The following SH3BP5L variants were observed in gnomAD, a reference collection of about 807,000 sequenced individuals.
SH3BP5L encodes SH3 domain-binding protein 5-like.
SH3BP5L carries 16 observed loss-of-function variants against 40.9 expected under a neutral mutation model. The observed-to-expected ratio is 0.39, with a 90% CI of 0.27 to 0.59. The LOEUF (loss-of-function observed/expected upper bound fraction) is 0.59, where lower values mean the gene tolerates loss of function less well. SH3BP5L is among the 20% of genes least tolerant of loss of function. The pLI, the probability that SH3BP5L is intolerant of heterozygous loss-of-function variation, is 0.53. For missense variants in SH3BP5L, 471 were observed against 544.6 expected (o/e 0.86, Z 1.35); for synonymous variants, 229 against 226.7 (o/e 1.01, Z -0.09).
At chr1:248,823,513 T>C (rs1360180566) in intron 2 of SH3BP5L, among the ~76,000 whole-genome samples, 1 of 152,204 alleles carries the variant, frequency 6.6e-6, no homozygotes, top group Non-Finnish European at 1.5e-5. Context: ...ATGATAAATC[T>C]GTAGAAATAG....
Position 248,811,618 on chromosome 1 carries a change from C to T in SH3BP5L, c.*282G>A. The T allele has an allele frequency of 2.1e-6, 1 of 468,584 alleles. No homozygotes were observed. 29.0% of individuals were successfully genotyped at this position (468,584 alleles called of 1,614,324 possible). A position where few individuals can be genotyped will look rare whatever the true frequency, so the allele number is the denominator to read the frequency against. ...AGAAAGGGAAAGCAAAGGGTCAATG[C>T]CCTGCAGATCGTGATGAGCTGGCAG... On this transcript the variant is annotated 3_prime_UTR_variant, in exon 7 of 7. Coordinates refer to ENST00000366472, the MANE Select transcript of SH3BP5L (RefSeq NM_030645.3).
In SH3BP5L at chr1:248,825,877, A is replaced by G; in HGVS notation, c.-474T>C. Reference sequence around the variant, plus strand: ...TCCGCGGAGCTTCTATGCTGCAAACAATCTCCCCCCCTCCCTCCCCGCAAC... The same window carrying G: ...TCCGCGGAGCTTCTATGCTGCAAACGATCTCCCCCCCTCCCTCCCCGCAAC... On this transcript the variant is annotated 5_prime_UTR_variant, in exon 1 of 7. Coordinates refer to ENST00000366472, the MANE Select transcript of SH3BP5L (RefSeq NM_030645.3). The G allele has an allele frequency of 1.0e-6, 1 of 954,366 alleles. No individual in the cohort carries two copies. Among genetic ancestry groups the G allele is most frequent in the Non-Finnish European group, 1.2e-6 (1 of 817,284 alleles). The allele number at this position is 954,366 out of a possible 1,614,324, so 59.1% of individuals were successfully genotyped here. A position where few individuals can be genotyped will look rare whatever the true frequency, so the allele number is the denominator to read the frequency against.
rs72770949 is a variant in SH3BP5L at position 248,812,751 on chromosome 1, T to G, written c.711+238A>C. ...ATTTCCACCAGTTCTTTTCCTCTTGTTTACCTCCCTTCTTCCAACTACGTT... is the reference window on the plus strand; with the variant it reads ...ATTTCCACCAGTTCTTTTCCTCTTGGTTACCTCCCTTCTTCCAACTACGTT... On this transcript the variant is annotated intron_variant, in intron 6 of 6. Coordinates refer to ENST00000366472, the MANE Select transcript of SH3BP5L (RefSeq NM_030645.3). The surrounding 1 kb of genome is among the most constrained non-coding windows in gnomAD (Gnocchi z 6.1). Among the ~76,000 whole-genome samples the G allele has an allele frequency of 2.4e-4, 36 of 152,274 alleles. 1 individual carries two copies. The highest frequency in any genetic ancestry group is 5.0e-4 in the Non-Finnish European group (34 of 68,008).
At position 248,824,755 on chromosome 1, in the gene SH3BP5L, G is replaced by C; in HGVS notation, c.181C>G (p.Gln61Glu). Residue 61 changes from glutamine to glutamate, a missense_variant and splice_region_variant, in exon 2 of 7, where the codon CAG (glutamine) becomes GAG (glutamate). Gln to Glu is a conservative substitution (Grantham distance 29, BLOSUM62 2). Transcript: ENST00000366472. ...REEEELDPRI[Q>E]EELEHLNQAS... ...CTCCCTGCTCTCAGTGCTCTCACCT[G>C]TATTCTAGGATCCAGTTCTTCCTCC... 1.9e-6 allele frequency: 3 copies of C among 1,613,728 alleles called. No individual in the cohort carries two copies. The highest frequency in any genetic ancestry group is 1.1e-5 in the South Asian group (1 of 91,056).
rs903402000 is a variant in SH3BP5L at position 248,825,169 on chromosome 1, G to A, written c.-234C>T. 20 of 1,290,818 alleles carry A rather than the reference G, an allele frequency of 1.5e-5. No individual in the cohort carries two copies. Among genetic ancestry groups the A allele is most frequent in the Non-Finnish European group, 2.0e-5 (20 of 1,019,144 alleles). 80.0% of individuals were successfully genotyped at this position (1,290,818 alleles called of 1,614,324 possible). On this transcript the variant is annotated 5_prime_UTR_variant, in exon 2 of 7. Coordinates refer to ENST00000366472, the MANE Select transcript of SH3BP5L (RefSeq NM_030645.3). ...TCTGTGCAAAAGTTCTTCCCTTCCC[G>A]CCACAGGGAGTCCACTGTGACAAAC...
chr1:248,812,846 T>G lies in SH3BP5L; in HGVS notation c.711+143A>C, dbSNP rs1663989752. ...CACTCCTGCAAGGTCATTTGGAACA[T>G]GTGTGCCACCACCCTTCCCCACCGC... On this transcript the variant is annotated intron_variant, in intron 6 of 6. Coordinates refer to ENST00000366472, the MANE Select transcript of SH3BP5L (RefSeq NM_030645.3). This position sits in a 1 kb window ranked among gnomAD's most constrained non-coding sequence, Gnocchi z 6.1. The G allele has an allele frequency of 2.9e-6, 2 of 684,508 alleles. No individual in the cohort carries two copies. The highest frequency in any genetic ancestry group is 6.4e-5 in the Admixed American group (2 of 31,194). 42.4% of individuals were successfully genotyped at this position (684,508 alleles called of 1,614,324 possible).
At chr1:248,823,646 C>CCACA (rs58018309) in intron 2 of SH3BP5L, among the ~76,000 whole-genome samples, 18,390 of 151,728 alleles carry the variant, frequency 0.12, 1,363 homozygotes, top group East Asian at 0.35. Context: ...GAAGAGGAAC[C>CCACA]CACACACACA....
At chr1:248,820,350 C>T (rs1342757711) in intron 2 of SH3BP5L, 1 of 152,296 alleles carries the variant, frequency 6.6e-6, no homozygotes, top group Non-Finnish European at 1.5e-5. Context: ...CTGACACGAT[C>T]ACCCCAACAG....
intron 2 of SH3BP5L, among the ~76,000 whole-genome samples, chr1:248,819,292 C>G (rs1487311926): frequency 2.0e-5 from 3 of 151,938 alleles, no homozygotes; most frequent in African/African-American, 7.2e-5. Context: ...AAATCTGGCT[C>G]TAAACTAGGG....
chr1:248,813,229 C>T, intron 5 of SH3BP5L, 67 bp from the exon 6 acceptor site: 3 of 1,423,718 alleles, frequency 2.1e-6, no homozygotes, highest in South Asian at 2.9e-5. Context: ...CCCCAGGCTG[C>T]CAATCTGAAC....
chr1:248,825,128 T>G lies in SH3BP5L; in HGVS notation c.-193A>C. 1 of 1,387,424 alleles carries G rather than the reference T, an allele frequency of 7.2e-7. No individual in the cohort carries two copies. Among genetic ancestry groups the G allele is most frequent in the Non-Finnish European group, 9.3e-7 (1 of 1,074,706 alleles). 85.9% of individuals were successfully genotyped at this position (1,387,424 alleles called of 1,614,324 possible). A position where few individuals can be genotyped will look rare whatever the true frequency, so the allele number is the denominator to read the frequency against. The stretch of plus-strand genomic sequence containing the variant: ...AGATTCAAGTTGTCAGTGGGGTTCC[T>G]AGAGCTGAAGCCTTGTCTGTGCAAA... On this transcript the variant is annotated 5_prime_UTR_variant, in exon 2 of 7. Transcript: ENST00000366472.
Position 248,812,006 on chromosome 1 carries a change from T to C in SH3BP5L, c.1076A>G (p.Asp359Gly), listed in dbSNP as rs1341232177. 1 of 1,610,030 alleles carries C rather than the reference T, an allele frequency of 6.2e-7. No homozygotes were observed. The highest frequency in any genetic ancestry group is 1.3e-5 in the African/African-American group (1 of 74,984). The change falls in exon 7 of 7, where the codon GAC becomes GGC. Residue 359 changes from aspartate to glycine, a missense_variant. Physicochemically the swap from Asp to Gly is moderately conservative, Grantham distance 94. Coordinates refer to ENST00000366472, the MANE Select transcript of SH3BP5L (RefSeq NM_030645.3). This position sits in a 1 kb window ranked among gnomAD's most constrained non-coding sequence, Gnocchi z 6.1. ...CTCTTGGCCGTCCAGACTGACGTGG[T>C]CCGAGAGGCCTCGCAAGTGCTCCAC... ...DSVEHLRGLS[D>G]HVSLDGQELG...
chr1:248,813,081 G>T lies in SH3BP5L; in HGVS notation c.619C>A (p.Arg207=). 1 of 1,612,054 alleles carries T rather than the reference G, an allele frequency of 6.2e-7. No homozygotes were observed. The change falls in exon 6 of 7, where the codon CGG becomes AGG. Residue 207 remains arginine (R), a synonymous_variant. Transcript: ENST00000366472. Reference sequence around the variant, plus strand: ...AGGGTCTTCTGCAGGGCTTGGACCCGAGCCTCAGCCTGTTGGCACAGCCGA... The same window carrying T: ...AGGGTCTTCTGCAGGGCTTGGACCCTAGCCTCAGCCTGTTGGCACAGCCGA... The part of the protein sequence containing the change: ...VTRLCQQAEA[R]VQALQKTLRR...
Position 248,824,943 on chromosome 1 carries a change from G to A in SH3BP5L, c.-8C>T, listed in dbSNP as rs774082515. ...CTGTCTGAGCTCAGCCATGCTGACA[G>A]GGGGAGGGCAGAGCCCTATGCACAA... On this transcript the variant is annotated 5_prime_UTR_variant, in exon 2 of 7. Coordinates refer to ENST00000366472, the MANE Select transcript of SH3BP5L (RefSeq NM_030645.3). The A allele has an allele frequency of 2.5e-6, 4 of 1,610,890 alleles. No homozygotes were observed. Among genetic ancestry groups the A allele is most frequent in the Non-Finnish European group, 3.4e-6 (4 of 1,178,776 alleles).
chr1:248,818,364 CAA>C (rs11290285), intron 2 of SH3BP5L, among the ~76,000 whole-genome samples: 11 of 150,278 alleles, frequency 7.3e-5, no homozygotes, highest in East Asian at 5.9e-4. Flanking sequence ...AAAAAACAAA[CAA>C]AAAAAAAAAG....
Position 248,825,881 on chromosome 1 carries a change from TCC to T in SH3BP5L, c.-480_-479del. 1 of 941,656 alleles carries T rather than the reference TCC, an allele frequency of 1.1e-6. No homozygotes were observed. Among genetic ancestry groups the T allele is most frequent in the Non-Finnish European group, 1.3e-6 (1 of 794,022 alleles). 58.3% of individuals were successfully genotyped at this position (941,656 alleles called of 1,614,324 possible). On this transcript the variant is annotated 5_prime_UTR_variant, in exon 1 of 7. Transcript: ENST00000366472. ...CGGAGCTTCTATGCTGCAAACAATC[TCC>T]CCCCCTCCCTCCCCGCAACAAGCCG...
intron 2 of SH3BP5L, chr1:248,820,899 A>AT (rs1558230455): frequency 6.6e-6 from 1 of 152,242 alleles, no homozygotes; most frequent in East Asian, 1.9e-4. Context: ...ATGGCTCAGC[A>AT]TAAGTTGTTA....
Position 248,812,302 on chromosome 1 carries a change from G to C in SH3BP5L, c.780C>G (p.Ala260=), listed in dbSNP as rs1424883686. Residue 260 remains alanine (A), a synonymous_variant, in exon 7 of 7, where the codon GCC becomes GCG. Coordinates refer to ENST00000366472, the MANE Select transcript of SH3BP5L (RefSeq NM_030645.3). This position sits in a 1 kb window ranked among gnomAD's most constrained non-coding sequence, Gnocchi z 6.1. ...VAQAKTRYSV[A]LRNLEQISEQ... is the part of the protein sequence containing the mutation. ...CGCTGATCTGCTCCAGGTTACGAAGGGCCACGGAGTAGCGCGTCTTGGCCT... is the reference window on the plus strand; with the variant it reads ...CGCTGATCTGCTCCAGGTTACGAAGCGCCACGGAGTAGCGCGTCTTGGCCT... The C allele has an allele frequency of 6.2e-7, 1 of 1,611,700 alleles. No homozygotes were observed. The highest frequency in any genetic ancestry group is 1.1e-5 in the South Asian group (1 of 91,088).
chr1:248,825,786 C>G (rs1473145856), intron 1 of SH3BP5L, 49 bp downstream of exon 1: 14 of 702,710 alleles, frequency 2.0e-5, no homozygotes, highest in Non-Finnish European at 2.1e-5. Context: ...GGACCCTACT[C>G]CCGTCCATTC....
Sources: allele counts gnomAD v4.1 joint callset (sites outside exome capture counted in the v4.1 genomes callset), GRCh38; gene constraint gnomAD v4.1.1; non-coding constraint Gnocchi (gnomAD v3.1); transcripts MANE v1.5; gene names NCBI Gene and HGNC (gene_info 2026-07-23, HGNC 2026-07-21).